The following KIAA1328 variants were observed in gnomAD, a reference collection of about 807,000 sequenced individuals.
KIAA1328 encodes KIAA1328, also known as protein hinderin.
KIAA1328 carries 52 observed loss-of-function variants against 68.1 expected under a neutral mutation model. That is an observed-to-expected ratio of 0.76 (90% confidence interval 0.61 to 0.96). KIAA1328 has a LOEUF of 0.96. Ranked by LOEUF, KIAA1328 falls within the 40% of genes least tolerant of loss-of-function variation. The pLI is 0.00. For synonymous variants in KIAA1328, 232 were observed against 239.4 expected, an observed-to-expected ratio of 0.97 and a Z score of 0.28; for missense variants, 641 against 677.6, an observed-to-expected ratio of 0.95 and a Z score of 0.60.
At chr18:36,843,846 C>T (rs552214590) in intron 3 of KIAA1328, among the ~76,000 whole-genome samples, 4 of 152,130 alleles carry the variant, frequency 2.6e-5, no homozygotes, top group African/African-American at 7.2e-5. Flanking sequence ...TGCTAATCTT[C>T]GTATACCCTT....
intron 5 of KIAA1328, among the ~76,000 whole-genome samples, chr18:36,892,558 G>A (rs143839676): frequency 6.6e-6 from 1 of 152,020 alleles, no homozygotes; most frequent in Non-Finnish European, 1.5e-5. Flanking sequence ...TACTTGGATA[G>A]GGCCACTTCG....
At chr18:37,016,324 C>T (rs902365853) in intron 6 of KIAA1328, among the ~76,000 whole-genome samples, 1 of 152,090 alleles carries the variant, frequency 6.6e-6, no homozygotes, top group African/African-American at 2.4e-5. Flanking sequence ...GTTGAACCAA[C>T]CTTGCATCCC....
At chr18:37,002,075 A>G (rs1185255298) in intron 6 of KIAA1328, among the ~76,000 whole-genome samples, 1 of 152,096 alleles carries the variant, frequency 6.6e-6, no homozygotes, top group African/African-American at 2.4e-5. Flanking sequence ...GTTCCTTGGT[A>G]GTGCTGATAA....
chr18:37,014,116 A>G (rs2054069639), intron 6 of KIAA1328, among the ~76,000 whole-genome samples: 1 of 152,008 alleles, frequency 6.6e-6, no homozygotes, highest in Admixed American at 6.5e-5. Flanking sequence ...TGAATTTTTT[A>G]TGTTTGTTGG....
chr18:36,987,801 G>GTCAGTCATATC (rs1192649359), intron 6 of KIAA1328, among the ~76,000 whole-genome samples: 9 of 151,810 alleles, frequency 5.9e-5, no homozygotes, highest in Admixed American at 4.6e-4. Flanking sequence ...GTGATTGCAT[G>GTCAGTCATATC]TCAGTCATAT....
At chr18:36,977,625 C>T (rs923032857) in intron 6 of KIAA1328, among the ~76,000 whole-genome samples, 4 of 151,858 alleles carry the variant, frequency 2.6e-5, no homozygotes, top group African/African-American at 9.7e-5. Flanking sequence ...GCCACCCTAA[C>T]GTCATTTTTT....
chr18:37,192,145 T>TTGTGTGTGTGTGTGTG (rs10667132), intron 9 of KIAA1328, among the ~76,000 whole-genome samples: 8 of 144,642 alleles, frequency 5.5e-5, no homozygotes, highest in Non-Finnish European at 1.1e-4. Context: ...AGTCAAGAAA[T>TTGTGTGTGTGTGTGTG]TGTGTGTGTG....
At chr18:36,979,370 C>G (rs189630467) in intron 6 of KIAA1328, among the ~76,000 whole-genome samples, 201 of 151,960 alleles carry the variant, frequency 1.3e-3, no homozygotes, top group African/African-American at 4.4e-3. Context: ...TAAATCTAGT[C>G]TAAATCAATG....
chr18:36,959,325 A>G lies in KIAA1328; in HGVS notation c.466A>G (p.Arg156Gly). ...KEREALQLQY[R>G]ECQELLSLYQ... is the part of the protein sequence containing the mutation. ...AATCTCACCTCTTCAGCTACAGTAT[A>G]GAGAATGCCAAGAACTTCTAAGCCT... Residue 156 changes from arginine (R) to glycine (G), a missense_variant, in exon 6 of 10, where the codon AGA becomes GGA. Physicochemically the swap from Arg to Gly is moderately radical, Grantham distance 125 (BLOSUM62 -2). Transcript: ENST00000280020. 1.9e-6 allele frequency: 3 copies of G among 1,600,554 alleles called. No individual in the cohort carries two copies. Among genetic ancestry groups the G allele is most frequent in the Non-Finnish European group, 2.6e-6 (3 of 1,174,712 alleles).
At chr18:37,132,285 A>G (rs1192897637) in intron 7 of KIAA1328, among the ~76,000 whole-genome samples, 1 of 152,166 alleles carries the variant, frequency 6.6e-6, no homozygotes, top group Non-Finnish European at 1.5e-5. Context: ...TTGATTCTAC[A>G]TGTTACTTTA....
chr18:37,105,405 TG>T (rs2057741659), intron 7 of KIAA1328, among the ~76,000 whole-genome samples: 1 of 150,672 alleles, frequency 6.6e-6, no homozygotes, highest in Non-Finnish European at 1.5e-5. Flanking sequence ...ATGGGAGGTT[TG>T]CTTGAGCCCA....
At chr18:36,878,277 G>A (rs2048207995) in intron 4 of KIAA1328, among the ~76,000 whole-genome samples, 3 of 152,070 alleles carry the variant, frequency 2.0e-5, no homozygotes, top group Non-Finnish European at 2.9e-5. Flanking sequence ...TCTCCTTTGC[G>A]TATGAAGCTT....
intron 6 of KIAA1328, among the ~76,000 whole-genome samples, chr18:37,057,196 T>C (rs2055945544): frequency 2.0e-5 from 3 of 152,166 alleles, no homozygotes; most frequent in Admixed American, 2.0e-4. Context: ...ATTCATAGAA[T>C]TATTTAATGC....
intron 6 of KIAA1328, among the ~76,000 whole-genome samples, chr18:37,037,702 G>A (rs918193804): frequency 4.0e-5 from 6 of 151,438 alleles, no homozygotes; most frequent in African/African-American, 1.5e-4. Flanking sequence ...TGGCCAATCT[G>A]GTGAAACCCC....
intron 5 of KIAA1328, among the ~76,000 whole-genome samples, chr18:36,915,840 C>A (rs2049674553): frequency 6.6e-6 from 1 of 152,106 alleles, no homozygotes; most frequent in African/African-American, 2.4e-5. Context: ...ATTCATCCTA[C>A]AGAAATGAAA....
intron 6 of KIAA1328, among the ~76,000 whole-genome samples, chr18:36,985,278 C>A (rs551698876): frequency 6.6e-6 from 1 of 152,278 alleles, no homozygotes; most frequent in South Asian, 2.1e-4. Flanking sequence ...CCAACCTGTG[C>A]AACAGGGATA....
intron 3 of KIAA1328, among the ~76,000 whole-genome samples, chr18:36,841,565 T>G (rs750863606): frequency 3.3e-5 from 5 of 152,132 alleles, no homozygotes; most frequent in Non-Finnish European, 5.9e-5. Context: ...TTATAATTCT[T>G]TTGTTTTTCC....
chr18:36,836,672 A>G (rs958427945), intron 3 of KIAA1328, among the ~76,000 whole-genome samples: 15 of 151,990 alleles, frequency 9.9e-5, no homozygotes, highest in African/African-American at 3.6e-4. Flanking sequence ...TGTACAGTTT[A>G]TTATTTTGAT....
At chr18:37,169,136 TTTTATTTA>T (rs202034975) in intron 8 of KIAA1328, among the ~76,000 whole-genome samples, 50 of 148,972 alleles carry the variant, frequency 3.4e-4, no homozygotes, top group East Asian at 1.4e-3. Flanking sequence ...CTTAACAGCA[TTTTATTTA>T]TTTATTTATT....
Sources: gnomAD v4.1 joint callset for allele counts (sites outside exome capture counted in the v4.1 genomes callset) on GRCh38, gnomAD v4.1.1 for gene constraint, MANE v1.5 for transcripts, NCBI Gene and HGNC (gene_info 2026-07-23, HGNC 2026-07-21) for gene names.